The following CUBN variants were observed in gnomAD, a reference collection of about 807,000 sequenced individuals.
The protein encoded by CUBN is cubilin.
A neutral mutation model predicts 405.3 loss-of-function variants in CUBN; 282 were observed. The observed-to-expected ratio is 0.70, with a 90% CI of 0.63 to 0.77. The LOEUF is 0.77. Ranked by LOEUF, CUBN falls within the 30% of genes least tolerant of loss-of-function variation. CUBN has a pLI of 0.00. For missense variants in CUBN, 4,514 were observed against 4,475.2 expected, an observed-to-expected ratio of 1.01 and a Z score of -0.25; for synonymous variants, 1,684 against 1,617.0, an observed-to-expected ratio of 1.04 and a Z score of -0.99.
intron 37 of CUBN, 112 bp from the exon 38 acceptor site, chr10:16,939,259 G>T: frequency 1.2e-6 from 1 of 864,094 alleles, no homozygotes; most frequent in Non-Finnish European, 1.9e-6. Context: ...AATTGACTGT[G>T]ATTTCTTTTC....
At chr10:16,976,896 C>T (rs1021584864) in intron 31 of CUBN, among the ~76,000 whole-genome samples, 1 of 152,104 alleles carries the variant, frequency 6.6e-6, no homozygotes, top group Non-Finnish European at 1.5e-5. Context: ...TTTATCAGTT[C>T]TCAAATTTGT....
chr10:16,949,465 A>T (rs58055671), intron 34 of CUBN, among the ~76,000 whole-genome samples: 17,703 of 64,562 alleles, frequency 0.27, 2,213 homozygotes, highest in African/African-American at 0.42. Flanking sequence ...GTGTGTGTGT[A>T]GTGTGTGTGT....
chr10:16,853,960 G>C (rs553415768), intron 59 of CUBN, among the ~76,000 whole-genome samples: 1 of 152,312 alleles, frequency 6.6e-6, no homozygotes, highest in Admixed American at 6.5e-5. Context: ...AGTAGAAAAA[G>C]ATAAGTGATA....
intron 31 of CUBN, among the ~76,000 whole-genome samples, chr10:16,977,836 G>C (rs959611615): frequency 6.6e-6 from 1 of 152,290 alleles, no homozygotes; most frequent in African/African-American, 2.4e-5. Flanking sequence ...TGCCCATAAG[G>C]GGTTTGAACC....
In CUBN at chr10:16,828,993, C is replaced by T. The variant is rs200330356; in HGVS notation, c.10576G>A (p.Gly3526Ser). 8.7e-5 allele frequency: 141 copies of T among 1,614,106 alleles called. 1 individual carries two copies. The highest frequency in any genetic ancestry group is 7.7e-4 in the South Asian group (70 of 91,082). Residue 3526 changes from glycine (G) to serine (S), a missense_variant, in exon 66 of 67, where the codon GGC (glycine) becomes AGC (serine). This residue lies in a region of CUBN where 1,186 missense variants were observed against 1,186.9 expected (regional missense o/e 1.00). Coordinates refer to ENST00000377833, the MANE Select transcript of CUBN (RefSeq NM_001081.4). The part of the protein sequence containing the change: ...YGDRGSFTSP[G>S]YPGTYPNNTY... Reference sequence around the variant, plus strand: ...TTGTTTGGGTATGTGCCTGGATAGCCGGGGCTGGTGAATGAGCCTCTGTCT... The same window carrying T: ...TTGTTTGGGTATGTGCCTGGATAGCTGGGGCTGGTGAATGAGCCTCTGTCT...
At chr10:16,928,391 A>AT in intron 40 of CUBN, 88 bp from the exon 41 acceptor site, 1 of 1,437,296 alleles carries the variant, frequency 7.0e-7, no homozygotes, top group Non-Finnish European at 9.7e-7. Flanking sequence ...CAGCTCACAC[A>AT]TTTTTCTCAG....
At position 16,851,268 on chromosome 10, in the gene CUBN, A is replaced by G. The variant is rs762847981; in HGVS notation, c.9630T>C (p.Ser3210=). 3 of 1,614,154 alleles carry G rather than the reference A, an allele frequency of 1.9e-6. No individual in the cohort carries two copies. Among genetic ancestry groups the G allele is most frequent in the Non-Finnish European group, 2.5e-6 (3 of 1,179,986 alleles). The part of the protein sequence containing the change: ...TFNTFALEAA[S]TRQRCLYDYV... ...AATCATAAAGGCATCTTTGCCTAGTACTTGCTGCCTCCAGAGCAAATGTAT... is the reference window on the plus strand; with the variant it reads ...AATCATAAAGGCATCTTTGCCTAGTGCTTGCTGCCTCCAGAGCAAATGTAT... The change falls in exon 60 of 67, where the codon AGT becomes AGC. Residue 3210 remains serine, a synonymous_variant. Coordinates refer to ENST00000377833, the MANE Select transcript of CUBN (RefSeq NM_001081.4).
chr10:16,884,782 A>T (rs1228210317), intron 56 of CUBN, among the ~76,000 whole-genome samples: 1 of 152,216 alleles, frequency 6.6e-6, no homozygotes, highest in African/African-American at 2.4e-5. Context: ...GTTTCCTCAC[A>T]GTATTTTGTA....
intron 17 of CUBN, among the ~76,000 whole-genome samples, chr10:17,082,426 T>C (rs1158517727): frequency 2.0e-5 from 3 of 152,204 alleles, no homozygotes; most frequent in Non-Finnish European, 4.4e-5. Context: ...TTCAGAAGAA[T>C]TCAGAGGAGT....
chr10:17,060,276 C>G (rs1835476128), intron 22 of CUBN, among the ~76,000 whole-genome samples: 1 of 152,126 alleles, frequency 6.6e-6, no homozygotes, highest in African/African-American at 2.4e-5. Flanking sequence ...CATGAGCCAC[C>G]ACGCCTGGCT....
intron 56 of CUBN, 94 bp from the exon 57 acceptor site, chr10:16,877,191 G>T: frequency 9.8e-7 from 1 of 1,018,320 alleles, no homozygotes; most frequent in Non-Finnish European, 1.5e-6. Flanking sequence ...GATGACTCAT[G>T]CAATTGCTAT....
chr10:16,861,791 C>T (rs1220002195), intron 59 of CUBN, among the ~76,000 whole-genome samples: 1 of 152,110 alleles, frequency 6.6e-6, no homozygotes, highest in East Asian at 1.9e-4. Context: ...TTCCACGGAA[C>T]ATCCAAGTAC....
At chr10:16,866,169 T>A (rs536280854) in intron 59 of CUBN, among the ~76,000 whole-genome samples, 1 of 152,078 alleles carries the variant, frequency 6.6e-6, no homozygotes, top group African/African-American at 2.4e-5. Context: ...TGTTATAGAA[T>A]ACATCATTTT....
chr10:17,064,960 C>T (rs1360263170), intron 22 of CUBN, among the ~76,000 whole-genome samples: 1 of 152,124 alleles, frequency 6.6e-6, no homozygotes, highest in Non-Finnish European at 1.5e-5. Context: ...AATTTTTATA[C>T]ATTGTTATTC....
Position 17,114,129 on chromosome 10 carries a change from T to G in CUBN, c.781A>C (p.Thr261Pro). 1 of 1,613,742 alleles carries G rather than the reference T, an allele frequency of 6.2e-7. No homozygotes were observed. Among genetic ancestry groups the G allele is most frequent in the Non-Finnish European group, 8.5e-7 (1 of 1,179,904 alleles). Residue 261 changes from threonine to proline, a missense_variant, in exon 8 of 67, where the codon ACG becomes CCG. Thr to Pro is a conservative substitution (Grantham distance 38). Coordinates refer to ENST00000377833, the MANE Select transcript of CUBN (RefSeq NM_001081.4). Reference protein sequence around the residue: ...WMFSPNSPACTLDRDECSFQP... With the variant: ...WMFSPNSPACPLDRDECSFQP... The stretch of plus-strand genomic sequence containing the variant: ...AAGCTGCACTCGTCTCTGTCCAGCG[T>G]GCAGGCAGGGCTGTTGGGTGAAAAC...
chr10:16,847,893 A>C (rs370106605), intron 60 of CUBN, among the ~76,000 whole-genome samples: 1 of 92,356 alleles, frequency 1.1e-5, no homozygotes, highest in Non-Finnish European at 2.3e-5. Flanking sequence ...TATAATCTCT[A>C]AAAAAAAATC....
chr10:17,016,499 T>A (rs540494779), intron 28 of CUBN, among the ~76,000 whole-genome samples: 1 of 152,276 alleles, frequency 6.6e-6, no homozygotes, highest in African/African-American at 2.4e-5. Context: ...TAGCAAGATA[T>A]CTCTTCAAGT....
At position 17,100,287 on chromosome 10, in the gene CUBN, T is replaced by C. The variant is rs2131296321; in HGVS notation, c.1531-48A>G. 2.3e-6 allele frequency: 3 copies of C among 1,280,488 alleles called. No individual in the cohort carries two copies. In the East Asian group the frequency reaches 7.1e-5, roughly 30 times the overall value. The allele number at this position is 1,280,488 out of a possible 1,614,324, so 79.3% of individuals were successfully genotyped here. On this transcript the variant is annotated intron_variant, in intron 13 of 66. Coordinates refer to ENST00000377833, the MANE Select transcript of CUBN (RefSeq NM_001081.4). ...TATTATCTTTTACTTCCATGTAAAT[T>C]TTAAAGTATTTCTCCCACTTCCTAG...
rs1835122550 is a variant in CUBN at position 17,045,984 on chromosome 10, T to C, written c.3440A>G (p.Gln1147Arg). 6.2e-7 allele frequency: 1 copy of C among 1,614,046 alleles called. No homozygotes were observed. Among genetic ancestry groups the C allele is most frequent in the Non-Finnish European group, 8.5e-7 (1 of 1,179,956 alleles). ...NKLWLKFKSD[Q>R]IDTRSGFSAY... is the part of the protein sequence containing the mutation. ...TGAGAATCCAGACCTTGTGTCTATT[T>C]GGTCACTCTTAAATTTTAACCATAG... Residue 1147 changes from glutamine to arginine, a missense_variant, in exon 24 of 67, where the codon CAA (glutamine) becomes CGA (arginine). Gln to Arg is a conservative substitution (Grantham distance 43). Coordinates refer to ENST00000377833, the MANE Select transcript of CUBN (RefSeq NM_001081.4).
Sources: allele counts gnomAD v4.1 joint callset (sites outside exome capture counted in the v4.1 genomes callset), GRCh38; gene constraint gnomAD v4.1.1; regional missense constraint gnomAD v4.1.1; transcripts MANE v1.5; gene names NCBI Gene and HGNC (gene_info 2026-07-23, HGNC 2026-07-21).